ZNF827: variants seen among roughly 807,000 people sequenced by gnomAD.
ZNF827 encodes zinc finger protein 827.
Under a neutral mutation model 102.4 loss-of-function variants are expected in ZNF827, and 13 were observed. The ratio of observed to expected loss-of-function variants is 0.13; its 90% CI spans 0.08 to 0.20. The LOEUF (loss-of-function observed/expected upper bound fraction) is 0.20, where lower values mean the gene tolerates loss of function less well. Among genes scored for constraint, ZNF827 ranks in the 10% least tolerant of loss-of-function variants. ZNF827 has a pLI of 1.00. For synonymous variants in ZNF827, 523 were observed against 536.2 expected (o/e 0.98, Z 0.34); for missense variants, 1,103 against 1,344.4 (o/e 0.82, Z 2.81).
At chr4:145,812,497 ATATT>A (rs71592421) in intron 8 of ZNF827, among the ~76,000 whole-genome samples, 77,704 of 143,610 alleles carry the variant, frequency 0.54, 22,275 homozygotes, top group Non-Finnish European at 0.64. Flanking sequence ...AAACCATTTT[ATATT>A]TATTTATTTA....
intron 5 of ZNF827, among the ~76,000 whole-genome samples, chr4:145,863,811 G>A (rs545766668): frequency 3.3e-4 from 51 of 152,296 alleles, no homozygotes; most frequent in African/African-American, 1.2e-3. Context: ...ATTTGATGTA[G>A]TGATGGTTGC....
chr4:145,774,428 T>G, intron 11 of ZNF827, 78 bp downstream of exon 11: 1 of 1,494,318 alleles, frequency 6.7e-7, no homozygotes, highest in African/African-American at 1.4e-5. Context: ...GCAGTGGGGA[T>G]GCTTCGGCCA....
In ZNF827 at chr4:145,834,234, G is replaced by A. The variant is rs573971266; in HGVS notation, c.2280-10709C>T. Reference sequence around the variant, plus strand: ...TCGTAAAATAGGCAAACGGTCTGAGGTGCCTGACATCCAGGCATTCTTTTA... The same window carrying A: ...TCGTAAAATAGGCAAACGGTCTGAGATGCCTGACATCCAGGCATTCTTTTA... On this transcript the variant is annotated intron_variant, in intron 7 of 14. Transcript: ENST00000508784. 6.3e-3 allele frequency among the ~76,000 whole-genome samples: 956 copies of A among 152,232 alleles called. 7 individuals are homozygous for A. Among genetic ancestry groups the A allele is most frequent in the African/African-American group, 0.021 (889 of 41,546 alleles).
intron 11 of ZNF827, among the ~76,000 whole-genome samples, chr4:145,766,074 T>C (rs751614055): frequency 2.0e-5 from 3 of 152,186 alleles, no homozygotes; most frequent in Non-Finnish European, 4.4e-5. Context: ...TTTTGTTTTT[T>C]CAAAAATCCT....
chr4:145,886,934 C>T (rs1750166899), intron 3 of ZNF827, among the ~76,000 whole-genome samples: 1 of 152,226 alleles, frequency 6.6e-6, no homozygotes, highest in Admixed American at 6.5e-5. Flanking sequence ...ACTTTTTCTT[C>T]CTGTCACTAC....
intron 5 of ZNF827, among the ~76,000 whole-genome samples, chr4:145,867,456 A>T (rs1748310076): frequency 6.6e-6 from 1 of 152,220 alleles, no homozygotes; most frequent in African/African-American, 2.4e-5. Context: ...AGTTAACATA[A>T]ATTAATTTAA....
At chr4:145,770,571 A>G (rs1736117098) in intron 11 of ZNF827, among the ~76,000 whole-genome samples, 1 of 151,546 alleles carries the variant, frequency 6.6e-6, no homozygotes, top group African/African-American at 2.4e-5. Context: ...AAATATTATT[A>G]TTCTATTATA....
intron 8 of ZNF827, among the ~76,000 whole-genome samples, chr4:145,812,199 T>C (rs908328942): frequency 6.6e-6 from 1 of 152,046 alleles, no homozygotes; most frequent in African/African-American, 2.4e-5. Context: ...GTACTGGAAT[T>C]ACAGGCGTGA....
At chr4:145,887,865 T>C (rs7662070) in intron 3 of ZNF827, among the ~76,000 whole-genome samples, 77,883 of 151,614 alleles carry the variant, frequency 0.51, 20,300 homozygotes, top group East Asian at 0.81. Context: ...GGTCACGAGT[T>C]AGAGAGCTTC....
chr4:145,902,089 G>A lies in ZNF827; in HGVS notation c.1093+77C>T. On this transcript the variant is annotated intron_variant, in intron 2 of 14. Transcript: ENST00000508784. This position sits in a 1 kb window ranked among gnomAD's most constrained non-coding sequence, Gnocchi z 4.3. ...CTCAGATCAGATGGGGAACCCAACT[G>A]AAAAAAGCAATGAATAAGACATCGC... 6.7e-7 allele frequency: 1 copy of A among 1,499,602 alleles called. No individual in the cohort carries two copies. The highest frequency in any genetic ancestry group is 2.4e-5 in the Admixed American group (1 of 42,266). The allele number at this position is 1,499,602 out of a possible 1,614,324, so 92.9% of individuals were successfully genotyped here.
At chr4:145,792,183 C>G (rs1443956396) in intron 8 of ZNF827, among the ~76,000 whole-genome samples, 1 of 152,162 alleles carries the variant, frequency 6.6e-6, no homozygotes, top group Non-Finnish European at 1.5e-5. Context: ...TGCTGCATTT[C>G]ATGGCCTCAG....
intron 8 of ZNF827, among the ~76,000 whole-genome samples, chr4:145,786,062 A>C (rs1332177976): frequency 6.6e-6 from 1 of 152,240 alleles, no homozygotes; most frequent in African/African-American, 2.4e-5. Flanking sequence ...ACATGGTATT[A>C]CTGAAGAAAG....
At chr4:145,845,891 A>G in intron 7 of ZNF827, 65 bp downstream of exon 7, 1 of 1,548,880 alleles carries the variant, frequency 6.5e-7, no homozygotes, top group East Asian at 2.2e-5. Context: ...AGCAACGTTC[A>G]ACATGTAGTA....
intron 8 of ZNF827, among the ~76,000 whole-genome samples, chr4:145,784,218 G>C (rs1738515775): frequency 6.6e-6 from 1 of 152,206 alleles, no homozygotes; most frequent in Admixed American, 6.5e-5. Flanking sequence ...AGTATTTCTT[G>C]ATAGCACTGC....
At chr4:145,807,946 T>A (rs990204439) in intron 8 of ZNF827, among the ~76,000 whole-genome samples, 1 of 152,080 alleles carries the variant, frequency 6.6e-6, no homozygotes, top group Non-Finnish European at 1.5e-5. Flanking sequence ...GCTTTAAAAA[T>A]TAACATTTTC....
At chr4:145,793,863 T>C (rs1020434567) in intron 8 of ZNF827, among the ~76,000 whole-genome samples, 4 of 152,192 alleles carry the variant, frequency 2.6e-5, no homozygotes, top group African/African-American at 9.6e-5. Context: ...GAAGAAGGCA[T>C]AGTATTCCTT....
chr4:145,874,148 G>C (rs1038345750), intron 4 of ZNF827, among the ~76,000 whole-genome samples: 2 of 152,168 alleles, frequency 1.3e-5, no homozygotes, highest in East Asian at 3.9e-4. Context: ...AAGAGACTTA[G>C]GGGGAAAAAA....
chr4:145,892,237 G>A lies in ZNF827; in HGVS notation c.1266+6C>T. ...CTCCAGGAGGTGCAGTCGGTAGGTG[G>A]CTTACCTTCATGTGGGATTTGAGAT... On this transcript the variant is annotated splice_donor_region_variant and intron_variant, in intron 3 of 14. Transcript: ENST00000508784. 1 of 1,604,322 alleles carries A rather than the reference G, an allele frequency of 6.2e-7. No individual in the cohort carries two copies. Among genetic ancestry groups the A allele is most frequent in the Non-Finnish European group, 8.5e-7 (1 of 1,173,346 alleles).
At chr4:145,795,082 G>A (rs1025523385) in intron 8 of ZNF827, among the ~76,000 whole-genome samples, 1 of 152,200 alleles carries the variant, frequency 6.6e-6, no homozygotes, top group African/African-American at 2.4e-5. Context: ...CGAGATCCAT[G>A]TACTGGGGGT....
Sources: gnomAD v4.1 joint callset for allele counts (sites outside exome capture counted in the v4.1 genomes callset) on GRCh38, gnomAD v4.1.1 for gene constraint, Gnocchi (gnomAD v3.1) non-coding constraint, MANE v1.5 for transcripts, NCBI Gene and HGNC (gene_info 2026-07-23, HGNC 2026-07-21) for gene names.